The following ABCA6 variants were observed in gnomAD, a reference collection of about 807,000 sequenced individuals.
ABCA6 encodes ATP binding cassette subfamily A member 6, also known as ATP-binding cassette sub-family A member 6.
ABCA6 carries 164 observed loss-of-function variants against 191.2 expected under a neutral mutation model. The ratio of observed to expected loss-of-function variants is 0.86; its 90% confidence interval spans 0.76 to 0.98. The LOEUF is 0.98. ABCA6 is among the 50% of genes least tolerant of loss of function. ABCA6 has a pLI of 0.00. For missense variants in ABCA6, 1,958 were observed against 1,894.1 expected (o/e 1.03, Z -0.63); for synonymous variants, 636 against 647.7 (o/e 0.98, Z 0.27).
At position 69,137,254 on chromosome 17, in the gene ABCA6, G is replaced by A. The variant is rs758647032; in HGVS notation, c.301+42C>T. The A allele has an allele frequency of 2.1e-5, 33 of 1,561,958 alleles. 1 individual carries two copies. The Admixed American group carries it at 5.0e-4, about 24-fold the overall frequency. Reference sequence around the variant, plus strand: ...GTAGACAACTTATCAACAGTATATAGACATCTATCAGTAACTCTTTTTTTG... The same window carrying A: ...GTAGACAACTTATCAACAGTATATAAACATCTATCAGTAACTCTTTTTTTG... On this transcript the variant is annotated intron_variant, in intron 3 of 38. Transcript: ENST00000284425.
At position 69,113,730 on chromosome 17, in the gene ABCA6, C is replaced by T. The variant is rs776811252; in HGVS notation, c.1790G>A (p.Arg597Gln). 10 of 1,611,456 alleles carry T rather than the reference C, an allele frequency of 6.2e-6. No homozygotes were observed. The East Asian group carries it at 6.7e-5, about 11-fold the overall frequency. Residue 597 changes from arginine to glutamine, a missense_variant, in exon 14 of 39, where the codon CGA becomes CAA. Coordinates refer to ENST00000284425, the MANE Select transcript of ABCA6 (RefSeq NM_080284.3). ...HLKEVEQEVQ[R>Q]ILLELDMQNI... ...TTGCATGTCCAATTCCAATAATATTCGTTGTACCTATATGAGAAAATACGC... is the reference window on the plus strand; with the variant it reads ...TTGCATGTCCAATTCCAATAATATTTGTTGTACCTATATGAGAAAATACGC...
chr17:69,079,154 A>C lies in ABCA6; in HGVS notation c.4752+56T>G, dbSNP rs369008100. The stretch of plus-strand genomic sequence containing the variant: ...GTCTTCCAAATGAACAGGAAAATGC[A>C]TGTTGCTTTCATGTGAAATTTACCA... On this transcript the variant is annotated intron_variant, in intron 38 of 38. Transcript: ENST00000284425. 7 of 1,579,998 alleles carry C rather than the reference A, an allele frequency of 4.4e-6. No homozygotes were observed. The African/African-American group carries it at 9.5e-5, about 21-fold the overall frequency.
At chr17:69,113,192 T>C in intron 15 of ABCA6, 30 bp downstream of exon 15, 3 of 1,589,030 alleles carry the variant, frequency 1.9e-6, no homozygotes, top group South Asian at 2.3e-5. Flanking sequence ...AATTGCATCA[T>C]GGTAACACTG....
In ABCA6 at chr17:69,137,393, A is replaced by G; in HGVS notation, c.204T>C (p.Asp68=). 1 of 1,613,756 alleles carries G rather than the reference A, an allele frequency of 6.2e-7. No homozygotes were observed. The highest frequency in any genetic ancestry group is 8.5e-7 in the Non-Finnish European group (1 of 1,179,798). The change falls in exon 3 of 39, where the codon GAT becomes GAC. Residue 68 remains aspartate (D), a synonymous_variant. Transcript: ENST00000284425. ...CCATTAAAGAAGAGCTATTAAATTT[A>G]TCTACCCTTCCCAGATTCTGAGGAG... is the stretch of plus-strand genomic sequence containing the variant. ...GMAPQNLGRV[D]KFNSSSLMVV... is the part of the protein sequence containing the mutation.
intron 12 of ABCA6, 23 bp downstream of exon 12, chr17:69,115,353 T>A: frequency 6.4e-7 from 1 of 1,567,982 alleles, no homozygotes. Context: ...CATCTTGCCT[T>A]TGAGAAATTT....
In ABCA6 at chr17:69,089,545, G is replaced by GA. The variant is rs772951994; in HGVS notation, c.3529-4dup. ...TCTCTGTAGTGCTCCTGGTCTCTCT[G>GA]AAAAGACAAAACAAAACACACACAC... On this transcript the variant is annotated splice_polypyrimidine_tract_variant and splice_region_variant and intron_variant, in intron 26 of 38. Coordinates refer to ENST00000284425, the MANE Select transcript of ABCA6 (RefSeq NM_080284.3). The GA allele has an allele frequency of 1.2e-6, 2 of 1,611,328 alleles. No homozygotes were observed. The highest frequency in any genetic ancestry group is 1.7e-6 in the Non-Finnish European group (2 of 1,178,844).
chr17:69,088,234 C>T lies in ABCA6; in HGVS notation c.3631G>A (p.Val1211Ile), dbSNP rs751630890. The change falls in exon 28 of 39, where the codon GTT (valine) becomes ATT (isoleucine). Residue 1211 changes from valine (V) to isoleucine (I), a missense_variant. Transcript: ENST00000284425. Reference sequence around the variant, plus strand: ...AGTTCCATGCATCTTAGAACAAAAACGAATAGCAAAGTCTGAAAGTAGGGC... The same window carrying T: ...AGTTCCATGCATCTTAGAACAAAAATGAATAGCAAAGTCTGAAAGTAGGGC... Reference protein sequence around the residue: ...FIPYFQTLLFVFVLRCMELKC... With the variant: ...FIPYFQTLLFIFVLRCMELKC... 12 of 1,610,790 alleles carry T rather than the reference C, an allele frequency of 7.4e-6. No individual in the cohort carries two copies. The highest frequency in any genetic ancestry group is 3.3e-5 in the Admixed American group (2 of 59,846).
At chr17:69,106,507 C>T (rs1268701836) in intron 18 of ABCA6, among the ~76,000 whole-genome samples, 8 of 148,336 alleles carry the variant, frequency 5.4e-5, no homozygotes, top group Non-Finnish European at 1.2e-4. Context: ...GTAGGAGAAT[C>T]GCTTGAACCT....
Position 69,113,363 on chromosome 17 carries a change from A to G in ABCA6, c.1903-3T>C. On this transcript the variant is annotated splice_polypyrimidine_tract_variant and splice_region_variant and intron_variant, in intron 14 of 38. Coordinates refer to ENST00000284425, the MANE Select transcript of ABCA6 (RefSeq NM_080284.3). ...GTTGGTTCATCTAAAAGCAAAATCT[A>G]CAGAGAATGAAGATATATAAAATAT... is the stretch of plus-strand genomic sequence containing the variant. The G allele has an allele frequency of 6.3e-7, 1 of 1,589,840 alleles. No homozygotes were observed. Among genetic ancestry groups the G allele is most frequent in the South Asian group, 1.2e-5 (1 of 86,442 alleles).
intron 32 of ABCA6, 122 bp from the exon 33 acceptor site, chr17:69,084,629 A>G (rs11657954): frequency 0.63 from 530,803 of 838,414 alleles, 173,019 homozygotes; most frequent in African/African-American, 0.77. Flanking sequence ...CCTAACTCAT[A>G]ATTTTAAAAA....
At chr17:69,137,646 A>G in intron 2 of ABCA6, 146 bp from the exon 3 acceptor site, 2 of 709,860 alleles carry the variant, frequency 2.8e-6, no homozygotes, top group East Asian at 2.8e-5. Context: ...AGCATGGAGA[A>G]TCAAATGAAA....
chr17:69,129,509 A>G (rs759570492), intron 7 of ABCA6, 101 bp downstream of exon 7: 16 of 975,816 alleles, frequency 1.6e-5, no homozygotes, highest in Admixed American at 2.4e-5. Context: ...CACACAATGG[A>G]CATGAAAGTA....
At position 69,082,905 on chromosome 17, in the gene ABCA6, C is replaced by T. The variant is rs1167081587; in HGVS notation, c.4584G>A (p.Leu1528=). 2 of 1,614,096 alleles carry T rather than the reference C, an allele frequency of 1.2e-6. No individual in the cohort carries two copies. Among genetic ancestry groups the T allele is most frequent in the African/African-American group, 2.7e-5 (2 of 74,942 alleles). ...GCCCTGCAGCCTGTGGGAAAAGCTTCAGAATCTCAGTGTGGACCAAAGTCA... is the reference window on the plus strand; with the variant it reads ...GCCCTGCAGCCTGTGGGAAAAGCTTTAGAATCTCAGTGTGGACCAAAGTCA... ...SQVTLVHTEI[L]KLFPQAAGQE... Residue 1528 remains leucine, a synonymous_variant, in exon 36 of 39, where the codon CTG becomes CTA. Transcript: ENST00000284425.
intron 3 of ABCA6, among the ~76,000 whole-genome samples, chr17:69,137,011 A>G (rs962488986): frequency 2.0e-5 from 3 of 152,142 alleles, no homozygotes; most frequent in Non-Finnish European, 4.4e-5. Context: ...CAATTACTAT[A>G]TTCCTTCTAG....
intron 36 of ABCA6, among the ~76,000 whole-genome samples, chr17:69,081,595 A>C (rs1162969952): frequency 1.3e-5 from 2 of 152,248 alleles, no homozygotes; most frequent in Admixed American, 1.3e-4. Flanking sequence ...ACTTAAACAA[A>C]AGTAAATTCA....
chr17:69,138,892 T>C (rs1464808954), intron 2 of ABCA6, among the ~76,000 whole-genome samples: 2 of 151,986 alleles, frequency 1.3e-5, no homozygotes, highest in Non-Finnish European at 1.5e-5. Context: ...TGGCTAGCCA[T>C]GTGTAGAAAG....
Position 69,091,198 on chromosome 17 carries a change from G to A in ABCA6, c.3473C>T (p.Thr1158Ile). The A allele has an allele frequency of 1.2e-6, 2 of 1,611,766 alleles. No homozygotes were observed. Among genetic ancestry groups the A allele is most frequent in the East Asian group, 2.2e-5 (1 of 44,822 alleles). Residue 1158 changes from threonine (T) to isoleucine (I), a missense_variant, in exon 26 of 39, where the codon ACC (threonine) becomes ATC (isoleucine). Coordinates refer to ENST00000284425, the MANE Select transcript of ABCA6 (RefSeq NM_080284.3). ...NHFDLSILIT[T>I]MVLVPSYTLL... ...GGTATATGAAGGAACCAATACCATG[G>A]TGGTAATCAATATACTTAGGTCAAA...
At chr17:69,092,374 A>G (rs2072945503) in intron 25 of ABCA6, among the ~76,000 whole-genome samples, 1 of 152,202 alleles carries the variant, frequency 6.6e-6, no homozygotes, top group South Asian at 2.1e-4. Context: ...CAAATGAGAA[A>G]TCTGGGGTTC....
At chr17:69,085,846 T>G in intron 30 of ABCA6, 130 bp from the exon 31 acceptor site, 1 of 635,066 alleles carries the variant, frequency 1.6e-6, no homozygotes. Context: ...ATAACATATA[T>G]GTAATCCACG....
Sources: gnomAD v4.1 joint callset for allele counts (sites outside exome capture counted in the v4.1 genomes callset) on GRCh38, gnomAD v4.1.1 for gene constraint, MANE v1.5 for transcripts, NCBI Gene and HGNC (gene_info 2026-07-23, HGNC 2026-07-21) for gene names.